Variants in RBFOX1 observed in about 807,000 individuals in gnomAD.
RBFOX1 encodes RNA binding fox-1 homolog 1.
A neutral mutation model predicts 57.7 loss-of-function variants in RBFOX1; 8 were observed. The observed-to-expected ratio is 0.14, with a 90% CI of 0.08 to 0.25. The LOEUF (loss-of-function observed/expected upper bound fraction) is 0.25, where lower values mean the gene tolerates loss of function less well. Among genes scored for constraint, RBFOX1 ranks in the 10% least tolerant of loss-of-function variants. The pLI, the probability that RBFOX1 is intolerant of heterozygous loss-of-function variation, is 1.00. For missense variants in RBFOX1, 611 were observed against 548.5 expected, an observed-to-expected ratio of 1.11 and a Z score of -1.14; for synonymous variants, 326 against 222.4, an observed-to-expected ratio of 1.47 and a Z score of -4.15.
chr16:7,365,885 C>T (rs1209251778), intron 4 of RBFOX1, among the ~76,000 whole-genome samples: 3 of 152,298 alleles, frequency 2.0e-5, no homozygotes, highest in East Asian at 1.9e-4. Flanking sequence ...TAAGACTCTC[C>T]TTCTTTGTCT....
At chr16:7,315,541 T>C (rs992993357) in intron 4 of RBFOX1, among the ~76,000 whole-genome samples, 3 of 151,956 alleles carry the variant, frequency 2.0e-5, no homozygotes, top group African/African-American at 7.2e-5. Flanking sequence ...TTTATGCTTA[T>C]AAATTTTTTT....
At chr16:5,735,736 G>T (rs1035310765) in intron 3 of RBFOX1, among the ~76,000 whole-genome samples, 1 of 152,064 alleles carries the variant, frequency 6.6e-6, no homozygotes, top group Admixed American at 6.6e-5. Flanking sequence ...GTTTAGCCGG[G>T]CGTGGTGGTG....
chr16:6,746,086 C>T (rs987566056), intron 3 of RBFOX1, among the ~76,000 whole-genome samples: 1 of 151,910 alleles, frequency 6.6e-6, no homozygotes, highest in African/African-American at 2.4e-5. Context: ...AGTCCTATAC[C>T]CTTAAAACTA....
intron 2 of RBFOX1, among the ~76,000 whole-genome samples, chr16:6,393,665 C>G (rs964549112): frequency 6.6e-6 from 1 of 152,166 alleles, no homozygotes; most frequent in African/African-American, 2.4e-5. Context: ...TCTTCTCTTA[C>G]TTTCTTAATA....
chr16:6,814,954 G>T (rs560096938), intron 3 of RBFOX1, among the ~76,000 whole-genome samples: 23 of 152,244 alleles, frequency 1.5e-4, no homozygotes, highest in South Asian at 4.2e-4. Context: ...ATAAAAGAAT[G>T]GCTGTTCTAC....
intron 2 of RBFOX1, among the ~76,000 whole-genome samples, chr16:6,555,630 G>A (rs1184742214): frequency 6.6e-6 from 1 of 152,054 alleles, no homozygotes; most frequent in Non-Finnish European, 1.5e-5. Context: ...AATCCGGGAG[G>A]CAGAGCTTGC....
chr16:6,563,535 A>C (rs1279968285), intron 2 of RBFOX1, among the ~76,000 whole-genome samples: 1 of 152,156 alleles, frequency 6.6e-6, no homozygotes, highest in Admixed American at 6.5e-5. Flanking sequence ...TACTATGGTC[A>C]GGAGTTGGGT....
chr16:6,588,972 T>C (rs2097671149), intron 2 of RBFOX1, among the ~76,000 whole-genome samples: 1 of 152,214 alleles, frequency 6.6e-6, no homozygotes, highest in African/African-American at 2.4e-5. Context: ...CCTATGCATC[T>C]GTACTTTGAT....
intron 4 of RBFOX1, among the ~76,000 whole-genome samples, chr16:5,880,311 C>T (rs968574435): frequency 1.3e-5 from 2 of 152,158 alleles, no homozygotes; most frequent in Non-Finnish European, 2.9e-5. Context: ...TTTTTTGCCT[C>T]CCAAGGTTCT....
chr16:6,304,372 G>A (rs73523266), intron 1 of RBFOX1, among the ~76,000 whole-genome samples: 2,993 of 152,176 alleles, frequency 0.02, 93 homozygotes, highest in African/African-American at 0.067. Flanking sequence ...AAATCTGTCT[G>A]CATTGCAGCC....
At chr16:6,655,682 A>G (rs1021142209) in intron 3 of RBFOX1, among the ~76,000 whole-genome samples, 28 of 152,186 alleles carry the variant, frequency 1.8e-4, no homozygotes, top group African/African-American at 4.8e-4. Context: ...TACCCTGTGT[A>G]TGCCTTGGAT....
At chr16:7,612,557 G>A (rs1478281739) in intron 10 of RBFOX1, among the ~76,000 whole-genome samples, 2 of 150,750 alleles carry the variant, frequency 1.3e-5, no homozygotes, top group African/African-American at 4.9e-5. Flanking sequence ...GCCTCAGAGG[G>A]GATTCTTACA....
intron 1 of RBFOX1, among the ~76,000 whole-genome samples, chr16:6,278,687 ATTTG>A (rs1235052857): frequency 1.3e-5 from 2 of 151,950 alleles, no homozygotes; most frequent in African/African-American, 2.4e-5. Flanking sequence ...ATAATCCTTT[ATTTG>A]TTATTTAAAG....
intron 4 of RBFOX1, among the ~76,000 whole-genome samples, chr16:7,350,180 G>C (rs1362436524): frequency 2.0e-5 from 3 of 152,060 alleles, no homozygotes; most frequent in Non-Finnish European, 4.4e-5. Context: ...ACATGGTAGT[G>C]ACTGAAAGGG....
intron 3 of RBFOX1, among the ~76,000 whole-genome samples, chr16:5,649,158 T>C (rs539657274): frequency 6.6e-6 from 1 of 152,112 alleles, no homozygotes; most frequent in Admixed American, 6.5e-5. Context: ...TATACACATA[T>C]ATATGTACAT....
chr16:6,349,446 C>A (rs992143658), intron 2 of RBFOX1, among the ~76,000 whole-genome samples: 7 of 152,100 alleles, frequency 4.6e-5, no homozygotes, highest in African/African-American at 1.7e-4. Context: ...AATAAAGCTA[C>A]CCCATAGAAT....
chr16:6,949,459 G>GTT (rs2080242378), intron 3 of RBFOX1, among the ~76,000 whole-genome samples: 2 of 152,148 alleles, frequency 1.3e-5, no homozygotes, highest in African/African-American at 4.8e-5. Context: ...ACACAGATTT[G>GTT]TTTTCTTACC....
intron 2 of RBFOX1, among the ~76,000 whole-genome samples, chr16:6,560,716 C>T (rs954876411): frequency 1.6e-4 from 24 of 152,032 alleles, no homozygotes; most frequent in Non-Finnish European, 2.4e-4. Context: ...ATTATGAGGG[C>T]GCTTAATGCA....
chr16:6,483,945 C>T, intron 2 of RBFOX1: 4 of 1,057,606 alleles, frequency 3.8e-6, no homozygotes, highest in Non-Finnish European at 4.6e-6. Context: ...CTCCGGGGAC[C>T]TCGGAGACTG....
Sources: gnomAD v4.1 joint callset for allele counts (sites outside exome capture counted in the v4.1 genomes callset) on GRCh38, gnomAD v4.1.1 for gene constraint, MANE v1.5 for transcripts, NCBI Gene and HGNC (gene_info 2026-07-23, HGNC 2026-07-21) for gene names.